Variants in ACSM3 observed in about 807,000 individuals in gnomAD.
ACSM3 encodes acyl-coenzyme A synthetase ACSM3, mitochondrial.
ACSM3 carries 61 observed loss-of-function variants against 74.1 expected under a neutral mutation model. The ratio of observed to expected loss-of-function variants is 0.82; its 90% CI spans 0.67 to 1.02. ACSM3 has a LOEUF of 1.02. Among genes scored for constraint, ACSM3 ranks in the 50% least tolerant of loss-of-function variants. ACSM3 has a pLI of 0.00. For missense variants in ACSM3, 660 were observed against 697.0 expected (o/e 0.95, Z 0.60); for synonymous variants, 213 against 241.5 (o/e 0.88, Z 1.09).
At chr16:20,719,482 G>C (rs2079778011) in intron 1 of ACSM3, 1 of 191,882 alleles carries the variant, frequency 5.2e-6, no homozygotes, top group African/African-American at 2.3e-5. Flanking sequence ...GGCTTCTTGG[G>C]CTTCTGGAAA....
At chr16:20,753,573 T>C (rs1002440868) in intron 2 of ACSM3, among the ~76,000 whole-genome samples, 1 of 152,082 alleles carries the variant, frequency 6.6e-6, no homozygotes, top group Non-Finnish European at 1.5e-5. Context: ...GATTAGGTTT[T>C]AAAAGAGTCC....
chr16:20,790,497 C>A lies in ACSM3; in HGVS notation c.1225-90C>A. The A allele has an allele frequency of 7.5e-7, 1 of 1,334,862 alleles. No individual in the cohort carries two copies. Among genetic ancestry groups the A allele is most frequent in the Non-Finnish European group, 1.0e-6 (1 of 959,974 alleles). The allele number at this position is 1,334,862 out of a possible 1,614,324, so 82.7% of individuals were successfully genotyped here. ...TTTTTAAGTCTTCATTTTTAAATGG[C>A]AAAAGCCAAAATAAAACTTGCAAAG... is the stretch of plus-strand genomic sequence containing the variant. On this transcript the variant is annotated intron_variant, in intron 9 of 13. Transcript: ENST00000289416. This position sits in a 1 kb window ranked among gnomAD's most constrained non-coding sequence, Gnocchi z 4.0.
At chr16:20,791,890 T>TG in intron 10 of ACSM3, 112 bp from the exon 11 acceptor site, 9 of 1,284,516 alleles carry the variant, frequency 7.0e-6, no homozygotes, top group Non-Finnish European at 8.6e-6. Context: ...ATCGTACTAC[T>TG]GCACTCCAGC....
chr16:20,712,044 T>A (rs2079745626), intron 1 of ACSM3, among the ~76,000 whole-genome samples: 1 of 152,098 alleles, frequency 6.6e-6, no homozygotes, highest in South Asian at 2.1e-4. Context: ...CATGAGTGGT[T>A]CCTTCTTGTC....
At chr16:20,681,928 T>C (rs2079454366) in intron 1 of ACSM3, 2 of 232,752 alleles carry the variant, frequency 8.6e-6, no homozygotes, top group Non-Finnish European at 1.7e-5. Flanking sequence ...AGCTGCATGG[T>C]CACTAGACAG....
chr16:20,709,547 T>C (rs2079737840), intron 1 of ACSM3, among the ~76,000 whole-genome samples: 1 of 152,198 alleles, frequency 6.6e-6, no homozygotes, highest in South Asian at 2.1e-4. Context: ...ATTGAGTGCA[T>C]TCATATCACA....
chr16:20,796,475 A>G lies in ACSM3; in HGVS notation c.1660A>G (p.Lys554Glu), dbSNP rs1350514722. 1.9e-6 allele frequency: 3 copies of G among 1,612,906 alleles called. No individual in the cohort carries two copies. The highest frequency in any genetic ancestry group is 2.5e-6 in the Non-Finnish European group (3 of 1,179,758). Reference sequence around the variant, plus strand: ...TGTTAAAAAAACTACAGCACCTTACAAATATCCCAGAAAGGTAGGCATCCT... The same window carrying G: ...TGTTAAAAAAACTACAGCACCTTACGAATATCCCAGAAAGGTAGGCATCCT... Reference protein sequence around the residue: ...EHVKKTTAPYKYPRKVEFIQE... With the variant: ...EHVKKTTAPYEYPRKVEFIQE... The change falls in exon 13 of 14, where the codon AAA becomes GAA. Residue 554 changes from lysine (K) to glutamate (E), a missense_variant. Transcript: ENST00000289416.
At chr16:20,750,329 C>T (rs1246465508) in intron 2 of ACSM3, among the ~76,000 whole-genome samples, 1 of 152,158 alleles carries the variant, frequency 6.6e-6, no homozygotes, top group Non-Finnish European at 1.5e-5. Context: ...CTCTTTTCTT[C>T]TGGGTCCTCA....
chr16:20,784,814 G>T (rs2080434666), intron 7 of ACSM3, among the ~76,000 whole-genome samples, 170 bp from the exon 8 acceptor site: 1 of 151,952 alleles, frequency 6.6e-6, no homozygotes, highest in Non-Finnish European at 1.5e-5. Context: ...ATTTGTGTAG[G>T]TACTTAGTAG....
chr16:20,756,304 T>C (rs2080031086), intron 3 of ACSM3, among the ~76,000 whole-genome samples: 1 of 152,100 alleles, frequency 6.6e-6, no homozygotes, highest in Non-Finnish European at 1.5e-5. Flanking sequence ...TGTTATTTCC[T>C]GACTTTTTAA....
intron 1 of ACSM3, among the ~76,000 whole-genome samples, chr16:20,693,011 A>C (rs1596478975): frequency 1.3e-5 from 2 of 152,034 alleles, no homozygotes. Flanking sequence ...TCTACTAAAA[A>C]TTTGAAAAAT....
At chr16:20,778,340 CT>C (rs924018335) in intron 4 of ACSM3, among the ~76,000 whole-genome samples, 4 of 152,136 alleles carry the variant, frequency 2.6e-5, no homozygotes, top group Non-Finnish European at 5.9e-5. Flanking sequence ...AGCTTCCTAC[CT>C]TTACTCAAGG....
At chr16:20,769,914 CTT>C in intron 1 of ACSM3, 68 bp from the exon 2 acceptor site, 2 of 879,298 alleles carry the variant, frequency 2.3e-6, no homozygotes. Context: ...AATAACAAAA[CTT>C]AGCCACTTTG....
At chr16:20,680,021 A>G (rs1001094238) in intron 1 of ACSM3, 2 of 152,230 alleles carry the variant, frequency 1.3e-5, no homozygotes, top group African/African-American at 4.8e-5. Flanking sequence ...TAGCAGGAGC[A>G]GCCCTAAGCA....
chr16:20,788,207 T>A (rs912734159), intron 9 of ACSM3, among the ~76,000 whole-genome samples: 1 of 152,240 alleles, frequency 6.6e-6, no homozygotes, highest in Admixed American at 6.5e-5. Context: ...GTTAACAGGC[T>A]ACCTTAGGTT....
intron 1 of ACSM3, among the ~76,000 whole-genome samples, chr16:20,768,098 C>T (rs1394835046): frequency 6.6e-6 from 1 of 152,178 alleles, no homozygotes; most frequent in African/African-American, 2.4e-5. Context: ...AGTTTGCTGA[C>T]CCCTATTCTA....
Position 20,781,031 on chromosome 16 carries a change from G to C in ACSM3, c.840G>C (p.Trp280Cys), listed in dbSNP as rs1488238314. The C allele has an allele frequency of 2.5e-6, 4 of 1,614,036 alleles. No individual in the cohort carries two copies. The highest frequency in any genetic ancestry group is 2.5e-6 in the Non-Finnish European group (3 of 1,180,028). Residue 280 changes from tryptophan (W) to cysteine (C), a missense_variant, in exon 6 of 14, where the codon TGG (tryptophan) becomes TGC (cysteine). Coordinates refer to ENST00000289416, the MANE Select transcript of ACSM3 (RefSeq NM_005622.4). ...DVMWNTSDTG[W>C]AKSAWSSVFS... The stretch of plus-strand genomic sequence containing the variant: ...TGTGGAATACCTCAGATACGGGCTG[G>C]GCAAAGTCTGCATGGAGTAGTGTTT...
chr16:20,719,926 A>G (rs978703080), intron 1 of ACSM3, among the ~76,000 whole-genome samples: 4 of 152,216 alleles, frequency 2.6e-5, no homozygotes, highest in African/African-American at 9.6e-5. Flanking sequence ...GATAATTCTA[A>G]TTTCTTTAGC....
chr16:20,684,049 G>A (rs9930784), intron 1 of ACSM3, among the ~76,000 whole-genome samples: 64,150 of 152,052 alleles, frequency 0.42, 16,214 homozygotes, highest in Non-Finnish European at 0.58. Flanking sequence ...GAGTATGGCA[G>A]AGTGCTGTAC....
Sources: gnomAD v4.1 joint callset for allele counts (sites outside exome capture counted in the v4.1 genomes callset) on GRCh38, gnomAD v4.1.1 for gene constraint, Gnocchi (gnomAD v3.1) non-coding constraint, MANE v1.5 for transcripts, NCBI Gene and HGNC (gene_info 2026-07-23, HGNC 2026-07-21) for gene names.